PLEKHG1: variants seen among roughly 807,000 people sequenced by gnomAD.
PLEKHG1 encodes pleckstrin homology and RhoGEF domain containing G1, also known as pleckstrin homology domain-containing family G member 1.
In PLEKHG1, 44 loss-of-function variants were observed where a neutral mutation model predicts 100.8. The ratio of observed to expected loss-of-function variants is 0.44; its 90% CI spans 0.34 to 0.56. The LOEUF is 0.56. PLEKHG1 is among the 20% of genes least tolerant of loss of function. PLEKHG1 has a pLI of 0.01. For synonymous variants in PLEKHG1, 640 were observed against 662.5 expected (o/e 0.97, Z 0.52); for missense variants, 1,545 against 1,720.9 (o/e 0.90, Z 1.81).
chr6:150,750,530 C>G (rs1359526475), intron 2 of PLEKHG1, among the ~76,000 whole-genome samples: 1 of 152,012 alleles, frequency 6.6e-6, no homozygotes, highest in East Asian at 1.9e-4. Flanking sequence ...CCTGTAATCC[C>G]AGCACTTTGG....
chr6:150,812,451 A>G (rs1409127154), intron 10 of PLEKHG1, among the ~76,000 whole-genome samples: 1 of 152,158 alleles, frequency 6.6e-6, no homozygotes, highest in East Asian at 1.9e-4. Flanking sequence ...GAAAAAGCAC[A>G]TCTCAGAGAT....
chr6:150,746,903 T>C (rs1783194956), intron 2 of PLEKHG1, among the ~76,000 whole-genome samples: 1 of 152,232 alleles, frequency 6.6e-6, no homozygotes, highest in Admixed American at 6.5e-5. Flanking sequence ...ATTTGCAAGC[T>C]CAAACACTTT....
chr6:150,832,910 C>T (rs1243323751), intron 15 of PLEKHG1, among the ~76,000 whole-genome samples: 5 of 151,834 alleles, frequency 3.3e-5, no homozygotes, highest in Admixed American at 6.6e-5. Context: ...CTCCTGGGCT[C>T]AAGCAATCCT....
rs141299112 is a variant in PLEKHG1, at chr6:150,830,391, G to A, written c.1471-191G>A. ...TAGTGCCAGCTACTTGGGAGGCTGAGGTGGGAGGATTGCTTGAGCCCAGGA... is the reference window on the plus strand; with the variant it reads ...TAGTGCCAGCTACTTGGGAGGCTGAAGTGGGAGGATTGCTTGAGCCCAGGA... On this transcript the variant is annotated intron_variant, in intron 14 of 15. Coordinates refer to ENST00000358517, the Ensembl canonical transcript of PLEKHG1. 8.5e-4 allele frequency among the ~76,000 whole-genome samples: 129 copies of A among 152,290 alleles called. No individual in the cohort carries two copies. The East Asian group carries it at 0.019, about 22-fold the overall frequency.
At chr6:150,722,295 C>G (rs1781723382) in intron 1 of PLEKHG1, among the ~76,000 whole-genome samples, 1 of 150,010 alleles carries the variant, frequency 6.7e-6, no homozygotes, top group Admixed American at 6.6e-5. Flanking sequence ...ACTTGGATCT[C>G]TGTTACTAGT....
At chr6:150,758,893 T>C (rs1187491791) in intron 2 of PLEKHG1, among the ~76,000 whole-genome samples, 1 of 152,214 alleles carries the variant, frequency 6.6e-6, no homozygotes, top group African/African-American at 2.4e-5. Context: ...TCAGAATGAT[T>C]CCTAATTCTC....
upstream of PLEKHG1, among the ~76,000 whole-genome samples, chr6:150,716,364 C>G (rs889767790): frequency 4.6e-5 from 7 of 152,146 alleles, no homozygotes; most frequent in Non-Finnish European, 5.9e-5. Context: ...TTCAAATACC[C>G]CTTCTCACTT....
chr6:150,654,243 A>G (rs1189059257), intron 3 of PLEKHG1, among the ~76,000 whole-genome samples: 1 of 152,198 alleles, frequency 6.6e-6, no homozygotes, highest in African/African-American at 2.4e-5. Flanking sequence ...TCTTGCTAGC[A>G]TTTCCTGAGC....
intron 2 of PLEKHG1, among the ~76,000 whole-genome samples, chr6:150,765,305 C>G (rs1474782340): frequency 6.6e-6 from 1 of 151,794 alleles, no homozygotes; most frequent in Non-Finnish European, 1.5e-5. Flanking sequence ...CCAGCCTAGC[C>G]AACATGGTGA....
At chr6:150,713,671 G>T (rs1049116366) in intron 3 of PLEKHG1, among the ~76,000 whole-genome samples, 5 of 152,150 alleles carry the variant, frequency 3.3e-5, no homozygotes, top group Non-Finnish European at 7.3e-5. Flanking sequence ...AAGCTTCTCT[G>T]TGTCTCCCCT....
At chr6:150,718,360 G>A (rs1413591300), upstream of PLEKHG1, among the ~76,000 whole-genome samples, 1 of 152,138 alleles carries the variant, frequency 6.6e-6, no homozygotes, top group African/African-American at 2.4e-5. Flanking sequence ...AGCTAAATGG[G>A]GAGAAACCAG....
At chr6:150,705,581 C>A (rs1230650566) in intron 3 of PLEKHG1, among the ~76,000 whole-genome samples, 1 of 152,212 alleles carries the variant, frequency 6.6e-6, no homozygotes, top group Non-Finnish European at 1.5e-5. Flanking sequence ...GCAAACTAAG[C>A]ATGTTACTAG....
intron 10 of PLEKHG1, among the ~76,000 whole-genome samples, chr6:150,813,291 T>C (rs1202864786): frequency 3.1e-5 from 4 of 127,522 alleles, no homozygotes; most frequent in South Asian, 2.4e-4. Context: ...GGCGACAGAG[T>C]GAGACTCTGT....
chr6:150,791,464 C>T (rs138969880), intron 4 of PLEKHG1, among the ~76,000 whole-genome samples: 4 of 152,066 alleles, frequency 2.6e-5, no homozygotes, highest in African/African-American at 9.6e-5. Context: ...GAGCTTGAGA[C>T]CAGCCTGGCA....
chr6:150,763,663 C>T (rs370289110), intron 2 of PLEKHG1, among the ~76,000 whole-genome samples: 55 of 152,154 alleles, frequency 3.6e-4, no homozygotes, highest in African/African-American at 1.3e-3. Context: ...TTTTACCTCA[C>T]CAGCCACCTA....
chr6:150,726,745 T>A (rs1781982338), intron 1 of PLEKHG1, among the ~76,000 whole-genome samples: 2 of 152,288 alleles, frequency 1.3e-5, no homozygotes, highest in South Asian at 4.1e-4. Flanking sequence ...TTTAACATGC[T>A]GAACACTAGA....
intron 2 of PLEKHG1, among the ~76,000 whole-genome samples, chr6:150,646,809 A>G (rs958289460): frequency 6.6e-5 from 10 of 152,280 alleles, no homozygotes; most frequent in African/African-American, 2.2e-4. Context: ...TATCCCCTCA[A>G]AAATATTCCC....
Position 150,619,174 on chromosome 6 carries a change from C to T in PLEKHG1, c.-203-18906C>T, listed in dbSNP as rs191744317. 1.7e-4 allele frequency among the ~76,000 whole-genome samples: 26 copies of T among 151,256 alleles called. 1 individual carries two copies. Among genetic ancestry groups the T allele is most frequent in the Admixed American group, 1.6e-3 (24 of 15,260 alleles). ...ATGATGGCCCTTTCTCAAAATTCAA[C>T]GAGAGATCCATTTGAGCTAGAGACG... On this transcript the variant is annotated intron_variant, in intron 1 of 3. Transcript: ENST00000367326.
At chr6:150,837,023 G>A (rs1243323851) in intron 15 of PLEKHG1, among the ~76,000 whole-genome samples, 1 of 151,948 alleles carries the variant, frequency 6.6e-6, no homozygotes, top group African/African-American at 2.4e-5. Context: ...TTAGCCAGGC[G>A]TGGTGGTGGG....
Sources: gnomAD v4.1 joint callset for allele counts (sites outside exome capture counted in the v4.1 genomes callset) on GRCh38, gnomAD v4.1.1 for gene constraint, MANE v1.5 for transcripts, NCBI Gene and HGNC (gene_info 2026-07-23, HGNC 2026-07-21) for gene names.